PRKG1: variants seen among roughly 807,000 people sequenced by gnomAD.
PRKG1 encodes cGMP-dependent protein kinase 1.
PRKG1 carries 35 observed loss-of-function variants against 88.1 expected under a neutral mutation model. That is an observed-to-expected ratio of 0.40 (90% CI 0.30 to 0.53). The LOEUF (loss-of-function observed/expected upper bound fraction) is 0.53. Among genes scored for constraint, PRKG1 ranks in the 20% least tolerant of loss-of-function variants. The pLI, the probability that PRKG1 is intolerant of heterozygous loss-of-function variation, is 0.59. For missense variants in PRKG1, 540 were observed against 839.8 expected (o/e 0.64, Z 4.41); for synonymous variants, 303 against 292.5 (o/e 1.04, Z -0.37).
chr10:52,103,127 C>T (rs1847334986), intron 7 of PRKG1, among the ~76,000 whole-genome samples: 1 of 152,316 alleles, frequency 6.6e-6, no homozygotes, highest in Non-Finnish European at 1.5e-5. Flanking sequence ...GCCTAATGAT[C>T]TGAGGTGGAA....
At chr10:51,831,667 A>T (rs1840009049) in intron 4 of PRKG1, among the ~76,000 whole-genome samples, 1 of 152,080 alleles carries the variant, frequency 6.6e-6, no homozygotes, top group Non-Finnish European at 1.5e-5. Flanking sequence ...ATGGCCCAAG[A>T]TGGCTAATCC....
At chr10:51,570,923 C>G (rs1837736676) in intron 3 of PRKG1, among the ~76,000 whole-genome samples, 1 of 151,906 alleles carries the variant, frequency 6.6e-6, no homozygotes, top group African/African-American at 2.4e-5. Flanking sequence ...TTTCCTGAAG[C>G]TTCACAAAAC....
intron 3 of PRKG1, among the ~76,000 whole-genome samples, chr10:51,679,254 AG>A (rs1169773566): frequency 6.6e-6 from 1 of 152,180 alleles, no homozygotes; most frequent in Non-Finnish European, 1.5e-5. Flanking sequence ...TTTTACACTC[AG>A]GGTTCCTAAG....
chr10:51,455,955 A>G (rs1234040947), intron 2 of PRKG1, among the ~76,000 whole-genome samples: 3 of 151,926 alleles, frequency 2.0e-5, no homozygotes, highest in Non-Finnish European at 1.5e-5. Flanking sequence ...GCAGCACCCA[A>G]CTCCTGGTAC....
chr10:51,238,318 C>T (rs1008625826), intron 2 of PRKG1, among the ~76,000 whole-genome samples: 9 of 152,176 alleles, frequency 5.9e-5, no homozygotes, highest in Non-Finnish European at 7.3e-5. Flanking sequence ...AGATGGCTCA[C>T]GCCTATAATC....
intron 3 of PRKG1, among the ~76,000 whole-genome samples, chr10:51,590,813 TG>T (rs10714818): frequency 0.074 from 10,925 of 147,606 alleles, 1,274 homozygotes; most frequent in African/African-American, 0.25. Flanking sequence ...CATTTCGATA[TG>T]GGGGGGGTGG....
intron 2 of PRKG1, among the ~76,000 whole-genome samples, chr10:51,298,863 G>T (rs1170985699): frequency 1.3e-5 from 2 of 152,178 alleles, no homozygotes; most frequent in Non-Finnish European, 2.9e-5. Flanking sequence ...CACATAGTAG[G>T]CATGCAACAA....
chr10:51,607,187 C>T (rs1473063028), intron 3 of PRKG1, among the ~76,000 whole-genome samples: 1 of 152,212 alleles, frequency 6.6e-6, no homozygotes, highest in Non-Finnish European at 1.5e-5. Flanking sequence ...GAAGGAGTTT[C>T]TGCTTCACTA....
At chr10:51,820,294 C>T (rs534997499) in intron 4 of PRKG1, among the ~76,000 whole-genome samples, 31 of 152,184 alleles carry the variant, frequency 2.0e-4, no homozygotes, top group African/African-American at 7.2e-4. Flanking sequence ...TTAAAATTTT[C>T]CAAACTCTTC....
At chr10:52,180,900 C>A (rs1330884300) in intron 9 of PRKG1, among the ~76,000 whole-genome samples, 2 of 152,134 alleles carry the variant, frequency 1.3e-5, no homozygotes, top group Non-Finnish European at 2.9e-5. Flanking sequence ...GCCCATGGGG[C>A]TGTTTCTTAG....
At chr10:52,037,022 T>C (rs1845633560) in intron 5 of PRKG1, among the ~76,000 whole-genome samples, 1 of 152,260 alleles carries the variant, frequency 6.6e-6, no homozygotes, top group Non-Finnish European at 1.5e-5. Context: ...GATCAAGCAG[T>C]GTCAGTCTTC....
intron 4 of PRKG1, among the ~76,000 whole-genome samples, chr10:51,813,222 A>G (rs1451322859): frequency 6.6e-6 from 1 of 152,238 alleles, no homozygotes; most frequent in East Asian, 1.9e-4. Context: ...AAAAAAGCAT[A>G]AAGTAATAAG....
chr10:51,820,370 G>T (rs773984173), intron 4 of PRKG1, among the ~76,000 whole-genome samples: 1 of 152,086 alleles, frequency 6.6e-6, no homozygotes, highest in Non-Finnish European at 1.5e-5. Context: ...AGTTCTGTGA[G>T]ACCAGGGGAT....
intron 1 of PRKG1, among the ~76,000 whole-genome samples, chr10:50,998,797 T>C (rs1409977174): frequency 6.6e-6 from 1 of 152,182 alleles, no homozygotes; most frequent in Admixed American, 6.6e-5. Context: ...TTAAAATATT[T>C]GCACCCTGCA....
chr10:51,261,388 T>G (rs142009750), intron 2 of PRKG1, among the ~76,000 whole-genome samples: 1,764 of 152,342 alleles, frequency 0.012, 11 homozygotes, highest in Non-Finnish European at 0.021. Context: ...AAAAAAGTAC[T>G]CATCACATCC....
intron 3 of PRKG1, among the ~76,000 whole-genome samples, chr10:51,581,278 A>G (rs1055423450): frequency 6.6e-6 from 1 of 152,198 alleles, no homozygotes; most frequent in African/African-American, 2.4e-5. Flanking sequence ...TCCATAACCT[A>G]TGATTAGCAA....
At chr10:51,407,057 T>C (rs1837940196) in intron 2 of PRKG1, among the ~76,000 whole-genome samples, 1 of 152,184 alleles carries the variant, frequency 6.6e-6, no homozygotes, top group Non-Finnish European at 1.5e-5. Flanking sequence ...GCCTGCTTTA[T>C]ATTCGCTGGC....
intron 5 of PRKG1, among the ~76,000 whole-genome samples, chr10:51,911,942 G>A (rs1249403961): frequency 6.6e-6 from 1 of 152,218 alleles, no homozygotes; most frequent in Non-Finnish European, 1.5e-5. Context: ...CACTTGCCAT[G>A]TGCCAGGAAT....
intron 5 of PRKG1, among the ~76,000 whole-genome samples, chr10:52,032,798 A>G (rs1256385222): frequency 3.9e-5 from 6 of 152,152 alleles, no homozygotes; most frequent in African/African-American, 1.4e-4. Context: ...TGTGATCACT[A>G]CACTTGCTGA....
Sources: allele counts gnomAD v4.1 joint callset (sites outside exome capture counted in the v4.1 genomes callset), GRCh38; gene constraint gnomAD v4.1.1; transcripts MANE v1.5; gene names NCBI Gene and HGNC (gene_info 2026-07-23, HGNC 2026-07-21).